AACS: variants seen among roughly 807,000 people sequenced by gnomAD.
AACS encodes the protein acetoacetyl-CoA synthetase.
In AACS, 69 loss-of-function variants were observed where a neutral mutation model predicts 83.1. The observed-to-expected ratio is 0.83, with a 90% CI of 0.68 to 1.01. The LOEUF is 1.01. AACS is among the 50% of genes least tolerant of loss of function. The probability of loss-of-function intolerance (pLI) is 0.00; values close to 1 mark genes in which losing one functional copy is unlikely to be tolerated. For synonymous variants in AACS, 333 were observed against 343.4 expected (o/e 0.97, Z 0.33); for missense variants, 866 against 882.2 (o/e 0.98, Z 0.23).
rs549149673 is a variant in AACS at position 125,079,895 on chromosome 12, T to C, written c.358+3284T>C. Reference sequence around the variant, plus strand: ...TCCCCCAGCTCCTGGCACCCACCTCTCTGCTTTCTTTCCTGGGTTTCCCTG... The same window carrying C: ...TCCCCCAGCTCCTGGCACCCACCTCCCTGCTTTCTTTCCTGGGTTTCCCTG... On this transcript the variant is annotated intron_variant, in intron 3 of 17. Transcript: ENST00000316519. Among the ~76,000 whole-genome samples the C allele has an allele frequency of 2.0e-5, 3 of 152,334 alleles. No individual in the cohort carries two copies. The South Asian group carries it at 6.2e-4, about 32-fold the overall frequency.
In AACS at chr12:125,112,322, C is replaced by T. The variant is rs73423533; in HGVS notation, c.916-2155C>T. Reference sequence around the variant, plus strand: ...ACCCTGCAGCTCAGCTTCCAGAGCCCGGAGGCAGCCTTGGGGGACTGCAGA... The same window carrying T: ...ACCCTGCAGCTCAGCTTCCAGAGCCTGGAGGCAGCCTTGGGGGACTGCAGA... On this transcript the variant is annotated intron_variant, in intron 8 of 17. Coordinates refer to ENST00000316519, the MANE Select transcript of AACS (RefSeq NM_023928.5). Among the ~76,000 whole-genome samples, 1,110 of 152,146 alleles carry T rather than the reference C, an allele frequency of 7.3e-3. 17 individuals are homozygous for T. The highest frequency in any genetic ancestry group is 0.025 in the African/African-American group (1,027 of 41,476).
In AACS at chr12:125,129,526, T is replaced by A; in HGVS notation, c.1549+66T>A. 1 of 1,566,618 alleles carries A rather than the reference T, an allele frequency of 6.4e-7. No homozygotes were observed. Among genetic ancestry groups the A allele is most frequent in the African/African-American group, 1.4e-5 (1 of 73,638 alleles). On this transcript the variant is annotated intron_variant, in intron 14 of 17. Transcript: ENST00000316519. This position sits in a 1 kb window ranked among gnomAD's most constrained non-coding sequence, Gnocchi z 4.3. ...CTTGGCTGGGCCTTCTGTGTCTAAT[T>A]CTGTACCATCGTGCCCCTCCCCTCT...
chr12:125,124,783 T>C lies in AACS; in HGVS notation c.1186+14T>C, dbSNP rs1443868227. ...CCATGAAGCCGGGTGAGTGTGCCTC[T>C]TCAGTACTCATTCCCTGTACTGCCA... On this transcript the variant is annotated intron_variant, in intron 11 of 17. Transcript: ENST00000316519. 19 of 1,614,062 alleles carry C rather than the reference T, an allele frequency of 1.2e-5. No individual in the cohort carries two copies. The highest frequency in any genetic ancestry group is 1.2e-5 in the Non-Finnish European group (14 of 1,180,014).
intron 13 of AACS, chr12:125,128,499 G>A (rs972781188): frequency 2.5e-6 from 1 of 399,196 alleles, no homozygotes. Flanking sequence ...GAGGACAGGT[G>A]GAGAGATGTG....
At position 125,102,756 on chromosome 12, in the gene AACS, G is replaced by A. The variant is rs780369011; in HGVS notation, c.648G>A (p.Glu216=). 10 of 1,614,084 alleles carry A rather than the reference G, an allele frequency of 6.2e-6. No individual in the cohort carries two copies. The South Asian group carries it at 8.8e-5, about 14-fold the overall frequency. ...SVEAVVYNGK[E]HNHMEKLQQV... is the part of the protein sequence containing the mutation. Reference sequence around the variant, plus strand: ...AGGCTGTTGTCTATAATGGCAAAGAGCACAACCACATGGAAAAGCTGCAGC... The same window carrying A: ...AGGCTGTTGTCTATAATGGCAAAGAACACAACCACATGGAAAAGCTGCAGC... The change falls in exon 6 of 18, where the codon GAG becomes GAA. Residue 216 remains glutamate, a synonymous_variant. Coordinates refer to ENST00000316519, the MANE Select transcript of AACS (RefSeq NM_023928.5).
chr12:125,085,735 G>A (rs1295434284), intron 3 of AACS, among the ~76,000 whole-genome samples: 2 of 151,746 alleles, frequency 1.3e-5, no homozygotes. Context: ...AACTTCTTGT[G>A]AATCTGTAAT....
rs1349368233 is a variant in AACS at position 125,130,537 on chromosome 12, C to T, written c.1549+1077C>T. ...GAGGATCCATCCAAGAAATGATGGC[C>T]CTTCATCTTCTGTAACATTGCTCTT... On this transcript the variant is annotated intron_variant, in intron 14 of 17. Transcript: ENST00000316519. This position sits in a 1 kb window ranked among gnomAD's most constrained non-coding sequence, Gnocchi z 4.9. 6.6e-6 allele frequency among the ~76,000 whole-genome samples: 1 copy of T among 152,212 alleles called. No homozygotes were observed. Among genetic ancestry groups the T allele is most frequent in the Non-Finnish European group, 1.5e-5 (1 of 68,026 alleles).
chr12:125,099,937 A>G (rs906216866), intron 5 of AACS, among the ~76,000 whole-genome samples: 4 of 152,130 alleles, frequency 2.6e-5, no homozygotes, highest in Non-Finnish European at 5.9e-5. Flanking sequence ...CAGCCTCCCA[A>G]AGTGCTGGGA....
At chr12:125,128,387 G>A (rs1957279396) in intron 13 of AACS, 113 bp downstream of exon 13, 1 of 907,388 alleles carries the variant, frequency 1.1e-6, no homozygotes, top group Admixed American at 2.9e-5. Flanking sequence ...CCCTCGGAGG[G>A]GAGGCCCCTG....
chr12:125,102,665 C>T lies in AACS; in HGVS notation c.571-14C>T. On this transcript the variant is annotated splice_polypyrimidine_tract_variant and intron_variant, in intron 5 of 17. Coordinates refer to ENST00000316519, the MANE Select transcript of AACS (RefSeq NM_023928.5). ...TTTGGATGATCAATGATGACTTTTTCCTCCTGCTTTCAGGGTGTGCTGGAC... is the reference window on the plus strand; with the variant it reads ...TTTGGATGATCAATGATGACTTTTTTCTCCTGCTTTCAGGGTGTGCTGGAC... The T allele has an allele frequency of 3.1e-6, 5 of 1,612,494 alleles. No homozygotes were observed. The South Asian group carries it at 5.5e-5, about 18-fold the overall frequency.
chr12:125,083,917 G>T (rs562582874), intron 3 of AACS, among the ~76,000 whole-genome samples: 1 of 152,094 alleles, frequency 6.6e-6, no homozygotes, highest in African/African-American at 2.4e-5. Flanking sequence ...GCCTCCCAAA[G>T]TGCTGGGATT....
chr12:125,090,217 ATC>A (rs376970367), intron 4 of AACS, among the ~76,000 whole-genome samples: 233 of 9,598 alleles, frequency 0.024, 43 homozygotes, highest in Middle Eastern at 0.12. Context: ...TTATCCATCT[ATC>A]CATCCATTTA....
At chr12:125,101,076 C>G (rs549692619) in intron 5 of AACS, 1 of 152,242 alleles carries the variant, frequency 6.6e-6, no homozygotes, top group East Asian at 1.9e-4. Flanking sequence ...GGCTCATGTG[C>G]GAGGGAATAG....
chr12:125,142,132 A>T lies in AACS; in HGVS notation c.1922A>T (p.Gln641Leu), dbSNP rs1957508147. Residue 641 changes from glutamine to leucine, a missense_variant, in exon 18 of 18, where the codon CAG becomes CTG. Coordinates refer to ENST00000316519, the MANE Select transcript of AACS (RefSeq NM_023928.5). ...NGKKVEVAVK[Q>L]IIAGKAVEQG... The stretch of plus-strand genomic sequence containing the variant: ...AAGAAAGTGGAAGTTGCCGTCAAAC[A>T]GATCATCGCTGGAAAAGCCGTGGAG... 7 of 1,614,128 alleles carry T rather than the reference A, an allele frequency of 4.3e-6. No homozygotes were observed. The East Asian group carries it at 1.6e-4, about 36-fold the overall frequency.
intron 15 of AACS, among the ~76,000 whole-genome samples, 181 bp from the exon 16 acceptor site, chr12:125,134,613 G>C (rs140114833): frequency 1.3e-5 from 2 of 152,332 alleles, no homozygotes; most frequent in South Asian, 4.1e-4. Context: ...TCGATGGAAA[G>C]CTTTAACCTG....
At chr12:125,088,482 C>T (rs1268202032) in intron 4 of AACS, among the ~76,000 whole-genome samples, 3 of 152,110 alleles carry the variant, frequency 2.0e-5, no homozygotes, top group Non-Finnish European at 2.9e-5. Context: ...ATCCTCCTGC[C>T]GTGGCCTCCT....
At position 125,079,321 on chromosome 12, in the gene AACS, C is replaced by T. The variant is rs549577974; in HGVS notation, c.358+2710C>T. 1.7e-4 allele frequency among the ~76,000 whole-genome samples: 26 copies of T among 152,218 alleles called. 1 individual carries two copies. Among genetic ancestry groups the T allele is most frequent in the African/African-American group, 4.8e-4 (20 of 41,528 alleles). ...GGTGACCTGGCTGCTGGGTGGAGAA[C>T]GGGAAGGGATTGCATCATGGGAAAG... On this transcript the variant is annotated intron_variant, in intron 3 of 17. Transcript: ENST00000316519.
chr12:125,137,896 A>C (rs191539151), intron 17 of AACS, among the ~76,000 whole-genome samples: 2 of 152,382 alleles, frequency 1.3e-5, no homozygotes, highest in East Asian at 1.9e-4. Flanking sequence ...GCCCGGGAGC[A>C]GGGCTGATTC....
intron 12 of AACS, chr12:125,125,933 G>T (rs955331443): frequency 6.6e-6 from 1 of 151,342 alleles, no homozygotes; most frequent in Non-Finnish European, 1.5e-5. Flanking sequence ...ATATATGGGT[G>T]TATTATATGT....
Sources: allele counts gnomAD v4.1 joint callset (sites outside exome capture counted in the v4.1 genomes callset), GRCh38; gene constraint gnomAD v4.1.1; non-coding constraint Gnocchi (gnomAD v3.1); transcripts MANE v1.5; gene names NCBI Gene and HGNC (gene_info 2026-07-23, HGNC 2026-07-21).